Variants in ANKRD26 observed in about 807,000 individuals in gnomAD.
ANKRD26 encodes ankyrin repeat domain 26.
In ANKRD26, 141 loss-of-function variants were observed where a neutral mutation model predicts 208.7. The observed-to-expected ratio is 0.68, with a 90% CI of 0.59 to 0.78. The LOEUF (loss-of-function observed/expected upper bound fraction) is 0.78. ANKRD26 is among the 30% of genes least tolerant of loss of function. ANKRD26 has a pLI of 0.00. For missense variants in ANKRD26, 1,889 were observed against 1,938.7 expected (o/e 0.97, Z 0.48); for synonymous variants, 636 against 660.4 (o/e 0.96, Z 0.57).
downstream of ANKRD26, among the ~76,000 whole-genome samples, chr10:26,989,349 T>C (rs1022985902): frequency 3.3e-5 from 5 of 152,236 alleles, no homozygotes; most frequent in South Asian, 2.1e-4. Flanking sequence ...TGTTTTAACA[T>C]TACTAAATCA....
the ANKRD26 span, among the ~76,000 whole-genome samples, chr10:26,957,727 C>T: frequency 6.8e-4 from 104 of 152,244 alleles, no homozygotes; most frequent in African/African-American, 2.4e-3. Context: ...TGCTCAGGAA[C>T]AATTTTTAAG....
At chr10:26,992,268 T>A (rs1011881035) in intron 5 of ANKRD26, among the ~76,000 whole-genome samples, 3 of 152,172 alleles carry the variant, frequency 2.0e-5, no homozygotes, top group Non-Finnish European at 2.9e-5. Flanking sequence ...TTCCTCCCAT[T>A]TTTTCTTTAA....
Position 27,093,560 on chromosome 10 carries a change from A to G in ANKRD26, c.358-38T>C, listed in dbSNP as rs908224709. On this transcript the variant is annotated intron_variant, in intron 2 of 33. Coordinates refer to ENST00000376087, the MANE Select transcript of ANKRD26 (RefSeq NM_014915.3). ...GACCAAGAAACAGATCATAAATTCTAGGAATGCAAAATAAACACTCCACAG... is the reference window on the plus strand; with the variant it reads ...GACCAAGAAACAGATCATAAATTCTGGGAATGCAAAATAAACACTCCACAG... 1.9e-6 allele frequency: 3 copies of G among 1,611,506 alleles called. No homozygotes were observed. In the African/African-American group the frequency reaches 4.0e-5, roughly 22 times the overall value.
intron 5 of ANKRD26, among the ~76,000 whole-genome samples, chr10:26,980,166 A>G (rs73596341): frequency 0.011 from 1,709 of 152,352 alleles, 38 homozygotes; most frequent in African/African-American, 0.039. Flanking sequence ...AATAATCTCA[A>G]ACTAATTCCT....
chr10:27,015,968 G>C (rs2053276346), intron 30 of ANKRD26, among the ~76,000 whole-genome samples: 2 of 152,072 alleles, frequency 1.3e-5, no homozygotes, highest in East Asian at 1.9e-4. Context: ...GTGGGTAAGA[G>C]AGGAAAGACA....
chr10:26,996,808 G>C (rs971728514), intron 4 of ANKRD26, among the ~76,000 whole-genome samples: 1 of 152,148 alleles, frequency 6.6e-6, no homozygotes, highest in African/African-American at 2.4e-5. Context: ...CACTTCTGGG[G>C]TTACAGGAAA....
At chr10:27,055,614 A>C (rs1208607233) in intron 15 of ANKRD26, among the ~76,000 whole-genome samples, 1 of 152,212 alleles carries the variant, frequency 6.6e-6, no homozygotes, top group Non-Finnish European at 1.5e-5. Context: ...AAGAATTATT[A>C]ATAAAATTGA....
intron 6 of ANKRD26, among the ~76,000 whole-genome samples, chr10:27,082,071 AAAAGG>A (rs1418994588): frequency 6.4e-3 from 198 of 31,148 alleles, no homozygotes; most frequent in African/African-American, 0.011. Context: ...AAAAAAAAAA[AAAAGG>A]GAGAGAGAGA....
chr10:26,989,608 G>T (rs1235828630), downstream of ANKRD26, among the ~76,000 whole-genome samples: 1 of 152,200 alleles, frequency 6.6e-6, no homozygotes, highest in Non-Finnish European at 1.5e-5. Flanking sequence ...AGGGTTGACA[G>T]ACAATTGCTG....
the ANKRD26 span, among the ~76,000 whole-genome samples, chr10:26,955,654 C>T: frequency 1.3e-5 from 2 of 152,200 alleles, no homozygotes; most frequent in South Asian, 4.2e-4. Context: ...TTGGCTAGAT[C>T]GTGTTGAAAT....
chr10:26,959,071 G>C, the ANKRD26 span, among the ~76,000 whole-genome samples: 2 of 152,050 alleles, frequency 1.3e-5, no homozygotes, highest in Non-Finnish European at 2.9e-5. Context: ...TCTTTTTCAT[G>C]TTTGTTGGCT....
At chr10:27,039,940 T>C (rs752609996) in intron 21 of ANKRD26, 25 bp downstream of exon 21, 1 of 1,595,516 alleles carries the variant, frequency 6.3e-7, no homozygotes, top group Non-Finnish European at 8.6e-7. Context: ...TAGTTAAACA[T>C]TTCTTTAAAA....
In ANKRD26 at chr10:27,008,768, G is replaced by C. The variant is rs528493845; in HGVS notation, c.4954-1806C>G. ...CTTAAAGGGTATATGGTATAAAGTTGTTGCCTCTATTCCAGCCCTGGAGTG... is the reference window on the plus strand; with the variant it reads ...CTTAAAGGGTATATGGTATAAAGTTCTTGCCTCTATTCCAGCCCTGGAGTG... On this transcript the variant is annotated intron_variant, in intron 32 of 33. Coordinates refer to ENST00000376087, the MANE Select transcript of ANKRD26 (RefSeq NM_014915.3). Among the ~76,000 whole-genome samples the C allele has an allele frequency of 7.2e-5, 11 of 152,236 alleles. No individual in the cohort carries two copies. The South Asian group carries it at 2.1e-3, about 29-fold the overall frequency.
Position 27,035,099 on chromosome 10 carries a change from A to C in ANKRD26, c.3351T>G (p.Asn1117Lys). The change falls in exon 24 of 34, where the codon AAT (asparagine) becomes AAG (lysine). Residue 1117 changes from asparagine to lysine, a missense_variant. By Grantham distance (94) the Asn-to-Lys change is moderately conservative (BLOSUM62 0). Coordinates refer to ENST00000376087, the MANE Select transcript of ANKRD26 (RefSeq NM_014915.3). ...TGTATTTATTCACTTTAACTTGTTCATTTTGATACTTTTGTTCCATTTCCT... is the reference window on the plus strand; with the variant it reads ...TGTATTTATTCACTTTAACTTGTTCCTTTTGATACTTTTGTTCCATTTCCT... ...QMKEMEQKYQNEQVKVNKYIG... is the reference protein window; with the variant it reads ...QMKEMEQKYQKEQVKVNKYIG... 6.2e-7 allele frequency: 1 copy of C among 1,612,730 alleles called. No homozygotes were observed. Among genetic ancestry groups the C allele is most frequent in the Non-Finnish European group, 8.5e-7 (1 of 1,179,326 alleles).
At chr10:27,030,288 C>T (rs756615399) in intron 25 of ANKRD26, 56 of 791,826 alleles carry the variant, frequency 7.1e-5, no homozygotes, top group South Asian at 1.7e-4. Flanking sequence ...TCCACTAAGC[C>T]GACAGTACTT....
chr10:27,022,702 A>C lies in ANKRD26; in HGVS notation c.4086-15T>G. On this transcript the variant is annotated splice_polypyrimidine_tract_variant and intron_variant, in intron 28 of 33. Coordinates refer to ENST00000376087, the MANE Select transcript of ANKRD26 (RefSeq NM_014915.3). ...GGTTCTTAAATCTGCAGGAAGGTAC[A>C]AAATGAGTAACTCAAGTTTTAAAAA... 1.9e-6 allele frequency: 3 copies of C among 1,575,190 alleles called. No individual in the cohort carries two copies. The highest frequency in any genetic ancestry group is 2.6e-6 in the Non-Finnish European group (3 of 1,153,412).
At chr10:26,992,495 CACACACACACACAG>C (rs1486646074) in intron 5 of ANKRD26, among the ~76,000 whole-genome samples, 7 of 150,356 alleles carry the variant, frequency 4.7e-5, no homozygotes, top group East Asian at 1.9e-4. Flanking sequence ...CACACACACA[CACACACACACACAG>C]AGAGAAAAAG....
At chr10:26,976,847 T>G (rs116983513) in intron 5 of ANKRD26, among the ~76,000 whole-genome samples, 3,151 of 152,238 alleles carry the variant, frequency 0.021, 49 homozygotes, top group Non-Finnish European at 0.031. Flanking sequence ...AGCAGCCAGA[T>G]GGAAGGTGCA....
chr10:27,041,416 C>A (rs2054235992), intron 20 of ANKRD26, among the ~76,000 whole-genome samples: 1 of 152,014 alleles, frequency 6.6e-6, no homozygotes, highest in African/African-American at 2.4e-5. Context: ...TGTTCATTCC[C>A]ACAGTCAGGC....
Sources: gnomAD v4.1 joint callset for allele counts (sites outside exome capture counted in the v4.1 genomes callset) on GRCh38, gnomAD v4.1.1 for gene constraint, MANE v1.5 for transcripts, NCBI Gene and HGNC (gene_info 2026-07-23, HGNC 2026-07-21) for gene names.